KCNIP4: variants seen among roughly 807,000 people sequenced by gnomAD.
The protein encoded by KCNIP4 is Kv channel-interacting protein 4.
A neutral mutation model predicts 34.0 loss-of-function variants in KCNIP4; 12 were observed. That is an observed-to-expected ratio of 0.35 (90% CI 0.23 to 0.57). The LOEUF (loss-of-function observed/expected upper bound fraction) is 0.57, where lower values mean the gene tolerates loss of function less well. Ranked by LOEUF, KCNIP4 falls within the 20% of genes least tolerant of loss-of-function variation. KCNIP4 has a pLI of 0.83. For missense variants in KCNIP4, 238 were observed against 311.7 expected (o/e 0.76, Z 1.78); for synonymous variants, 124 against 102.2 (o/e 1.21, Z -1.29).
chr4:20,769,744 C>T (rs1298216826), intron 3 of KCNIP4, among the ~76,000 whole-genome samples: 1 of 152,204 alleles, frequency 6.6e-6, no homozygotes, highest in Non-Finnish European at 1.5e-5. Context: ...TCCAAGCTCA[C>T]TGAGGTTGTT....
intron 3 of KCNIP4, among the ~76,000 whole-genome samples, chr4:20,811,585 A>C (rs1715776106): frequency 6.6e-6 from 1 of 152,118 alleles, no homozygotes; most frequent in Non-Finnish European, 1.5e-5. Context: ...GGTTTGGGTT[A>C]CTTTGTGAAA....
chr4:21,564,434 A>G (rs1479327808), intron 1 of KCNIP4, among the ~76,000 whole-genome samples: 1 of 152,144 alleles, frequency 6.6e-6, no homozygotes, highest in African/African-American at 2.4e-5. Flanking sequence ...AGGAGGACTA[A>G]CATGTGACTT....
chr4:21,542,960 A>C (rs1737829015), intron 1 of KCNIP4, among the ~76,000 whole-genome samples: 1 of 151,950 alleles, frequency 6.6e-6, no homozygotes, highest in African/African-American at 2.4e-5. Context: ...TGTTCAATGA[A>C]TACTGTCAAT....
intron 1 of KCNIP4, among the ~76,000 whole-genome samples, chr4:21,154,223 A>C (rs189579018): frequency 2.0e-5 from 3 of 152,334 alleles, no homozygotes; most frequent in Non-Finnish European, 4.4e-5. Flanking sequence ...AATGGTTTAC[A>C]TGATGGATAC....
intron 5 of KCNIP4, among the ~76,000 whole-genome samples, chr4:20,738,171 A>G (rs1004047798): frequency 4.6e-5 from 7 of 152,184 alleles, no homozygotes; most frequent in Admixed American, 2.0e-4. Flanking sequence ...GAAGGCATAA[A>G]ATATACATTG....
At chr4:20,887,746 G>A (rs1221649912) in intron 1 of KCNIP4, among the ~76,000 whole-genome samples, 2 of 152,158 alleles carry the variant, frequency 1.3e-5, no homozygotes, top group African/African-American at 2.4e-5. Flanking sequence ...CTAAAGGAAT[G>A]TCCTCAGGCT....
In KCNIP4 at chr4:21,629,849, C is replaced by CTTTTTTTTTTTTTTTTTT. The variant is rs5856652; in HGVS notation, c.61+318704_61+318721dup. Among the ~76,000 whole-genome samples, 41 of 87,790 alleles carry CTTTTTTTTTTTTTTTTTT rather than the reference C, an allele frequency of 4.7e-4. 3 individuals carry two copies. Among genetic ancestry groups the CTTTTTTTTTTTTTTTTTT allele is most frequent in the Non-Finnish European group, 6.0e-4 (30 of 50,168 alleles). The allele number at this position is 87,790 out of a possible 152,430, so 57.6% of individuals were successfully genotyped here. A position where few individuals can be genotyped will look rare whatever the true frequency, so the allele number is the denominator to read the frequency against. On this transcript the variant is annotated intron_variant, in intron 1 of 8. Coordinates refer to ENST00000382152, the MANE Select transcript of KCNIP4 (RefSeq NM_025221.6). ...ACCATATTTCCTTTTCTTTTTCTTT[C>CTTTTTTTTTTTTTTTTTT]TTTTTTTTTTTTTTTTTTTGAGACA...
At chr4:21,238,842 T>C (rs902973267) in intron 1 of KCNIP4, among the ~76,000 whole-genome samples, 4 of 152,188 alleles carry the variant, frequency 2.6e-5, no homozygotes, top group African/African-American at 9.7e-5. Context: ...CCCATCAAGC[T>C]ACCAATGACT....
chr4:21,721,111 T>C (rs1454244257), intron 1 of KCNIP4, among the ~76,000 whole-genome samples: 1 of 152,156 alleles, frequency 6.6e-6, no homozygotes, highest in Admixed American at 6.6e-5. Flanking sequence ...TAGTTCGGAG[T>C]TTGGTTAAAC....
In KCNIP4 at chr4:20,937,126, A is replaced by G. The variant is rs1052802070; in HGVS notation, c.62-54417T>C. On this transcript the variant is annotated intron_variant, in intron 1 of 8. Coordinates refer to ENST00000382152, the MANE Select transcript of KCNIP4 (RefSeq NM_025221.6). ...CTGAAACACCTGCCTAGAGTGTTTG[A>G]CCACTGCTGTGACTTGTAGCAAAGG... Among the ~76,000 whole-genome samples, 5 of 150,942 alleles carry G rather than the reference A, an allele frequency of 3.3e-5. No homozygotes were observed. The South Asian group carries it at 6.3e-4, about 19-fold the overall frequency.
chr4:20,811,300 A>C (rs1225593500), intron 3 of KCNIP4, among the ~76,000 whole-genome samples: 1 of 152,214 alleles, frequency 6.6e-6, no homozygotes, highest in Admixed American at 6.5e-5. Flanking sequence ...TAAGTATGAT[A>C]TGGCCATGGC....
intron 1 of KCNIP4, among the ~76,000 whole-genome samples, chr4:21,724,667 C>A (rs908263456): frequency 6.6e-6 from 1 of 150,936 alleles, no homozygotes; most frequent in African/African-American, 2.4e-5. Context: ...CTATTAAATT[C>A]TTGGATTTCA....
chr4:21,002,343 A>C (rs905757567), intron 1 of KCNIP4, among the ~76,000 whole-genome samples: 2 of 152,214 alleles, frequency 1.3e-5, no homozygotes, highest in Admixed American at 6.5e-5. Context: ...ATTTTTATAA[A>C]ATAAGCCTCA....
chr4:21,269,979 A>G (rs1362719892), intron 1 of KCNIP4, among the ~76,000 whole-genome samples: 1 of 152,172 alleles, frequency 6.6e-6, no homozygotes, highest in Non-Finnish European at 1.5e-5. Flanking sequence ...CTTCCCTGTT[A>G]CTCTTCAAAT....
At chr4:21,169,660 TTG>T (rs58544791) in intron 1 of KCNIP4, among the ~76,000 whole-genome samples, 9,614 of 136,072 alleles carry the variant, frequency 0.071, 413 homozygotes, top group Admixed American at 0.091. Context: ...TACTTTATAT[TTG>T]TGTGTGTGTG....
intron 1 of KCNIP4, among the ~76,000 whole-genome samples, chr4:21,883,440 T>A (rs949774256): frequency 1.3e-5 from 2 of 152,124 alleles, no homozygotes; most frequent in Non-Finnish European, 2.9e-5. Flanking sequence ...TGAGCCACAG[T>A]GTCTGGCCTA....
intron 1 of KCNIP4, among the ~76,000 whole-genome samples, chr4:21,021,963 G>C (rs959922680): frequency 6.6e-6 from 1 of 152,040 alleles, no homozygotes; most frequent in Admixed American, 6.6e-5. Context: ...ATTATGTATT[G>C]TGCATAATGG....
intron 1 of KCNIP4, among the ~76,000 whole-genome samples, chr4:21,038,140 GCTAA>G (rs1162481816): frequency 1.3e-5 from 2 of 152,080 alleles, no homozygotes; most frequent in East Asian, 1.9e-4. Flanking sequence ...ACCACGCCCA[GCTAA>G]CTTTTTTATT....
chr4:21,593,944 A>G lies in KCNIP4; in HGVS notation c.61+354627T>C, dbSNP rs188615694. On this transcript the variant is annotated intron_variant, in intron 1 of 8. Coordinates refer to ENST00000382152, the MANE Select transcript of KCNIP4 (RefSeq NM_025221.6). Reference sequence around the variant, plus strand: ...GTGTGTTCAAGCTAAAACAGGAATCATTTGTGTTCAAAATTACTTCTGAAC... The same window carrying G: ...GTGTGTTCAAGCTAAAACAGGAATCGTTTGTGTTCAAAATTACTTCTGAAC... 5.3e-5 allele frequency among the ~76,000 whole-genome samples: 8 copies of G among 152,234 alleles called. No individual in the cohort carries two copies. In the South Asian group the frequency reaches 1.0e-3, roughly 20 times the overall value.
Sources: gnomAD v4.1 joint callset for allele counts (sites outside exome capture counted in the v4.1 genomes callset) on GRCh38, gnomAD v4.1.1 for gene constraint, MANE v1.5 for transcripts, NCBI Gene and HGNC (gene_info 2026-07-23, HGNC 2026-07-21) for gene names.